Variants in CEP128 observed in about 807,000 individuals in gnomAD.
CEP128 encodes centrosomal protein 128, also known as centrosomal protein 128kDa.
CEP128 carries 132 observed loss-of-function variants against 156.7 expected under a neutral mutation model. The observed-to-expected ratio is 0.84, with a 90% CI of 0.73 to 0.97. The LOEUF is 0.97. Among genes scored for constraint, CEP128 ranks in the 50% least tolerant of loss-of-function variants. The pLI is 0.00. For missense variants in CEP128, 1,252 were observed against 1,281.9 expected (o/e 0.98, Z 0.36); for synonymous variants, 469 against 448.9 (o/e 1.04, Z -0.57).
chr14:80,890,678 C>A (rs550922081), intron 8 of CEP128, among the ~76,000 whole-genome samples: 1 of 151,692 alleles, frequency 6.6e-6, no homozygotes, highest in East Asian at 1.9e-4. Context: ...CTAATGCATG[C>A]GGGGCTTAAA....
Position 80,905,770 on chromosome 14 carries a change from A to AT in CEP128, c.361+184_361+185insA. The AT allele has an allele frequency of 1.7e-5, 9 of 522,684 alleles. No individual in the cohort carries two copies. In the South Asian group the frequency reaches 2.4e-4, roughly 14 times the overall value. The allele number at this position is 522,684 out of a possible 1,614,324, so 32.4% of individuals were successfully genotyped here. On this transcript the variant is annotated intron_variant, in intron 5 of 24. Transcript: ENST00000555265. Reference sequence around the variant, plus strand: ...CAGAGTTTGAGAAAAAAAAAAAAACAATATAACAACAAAGACCCTTCAATA... The same window carrying AT: ...CAGAGTTTGAGAAAAAAAAAAAAACATATATAACAACAAAGACCCTTCAATA...
At position 80,496,887 on chromosome 14, in the gene CEP128, T is replaced by C. The variant is rs1594910025; in HGVS notation, c.*592A>G. 6.6e-6 allele frequency: 1 copy of C among 152,338 alleles called. No homozygotes were observed. Among genetic ancestry groups the C allele is most frequent in the Admixed American group, 6.5e-5 (1 of 15,286 alleles). The allele number at this position is 152,338 out of a possible 1,614,324, so 9.4% of individuals were successfully genotyped here. A position where few individuals can be genotyped will look rare whatever the true frequency, so the allele number is the denominator to read the frequency against. On this transcript the variant is annotated 3_prime_UTR_variant, in exon 25 of 25. Transcript: ENST00000555265. ...ATGAATTCTTTATTGCTATTAAAAA[T>C]GGATGATTGGAAATAATTTTCAGCT...
intron 7 of CEP128, among the ~76,000 whole-genome samples, chr14:80,897,734 A>C (rs1889412096): frequency 6.6e-6 from 1 of 151,940 alleles, no homozygotes; most frequent in African/African-American, 2.4e-5. Context: ...GCCATCATCA[A>C]CTCTCATATA....
chr14:80,704,730 C>T (rs985294571), intron 19 of CEP128, among the ~76,000 whole-genome samples: 1 of 146,198 alleles, frequency 6.8e-6, no homozygotes, highest in Non-Finnish European at 1.5e-5. Flanking sequence ...TTAGCCTAAA[C>T]TGATTCTGTC....
chr14:80,905,839 C>G, intron 5 of CEP128, 116 bp downstream of exon 5: 1 of 919,556 alleles, frequency 1.1e-6, no homozygotes, highest in South Asian at 1.5e-5. Flanking sequence ...ACTACATGTA[C>G]TATCATCCAA....
At chr14:80,958,565 A>G (rs1886836845) in intron 1 of CEP128, among the ~76,000 whole-genome samples, 2 of 152,188 alleles carry the variant, frequency 1.3e-5, no homozygotes, top group South Asian at 4.1e-4. Flanking sequence ...TAGCAGGGAA[A>G]GGAAAGAAGA....
chr14:80,894,114 C>A (rs1889233311), intron 8 of CEP128, among the ~76,000 whole-genome samples: 1 of 151,168 alleles, frequency 6.6e-6, no homozygotes, highest in Non-Finnish European at 1.5e-5. Flanking sequence ...CTTCTTAGGT[C>A]AAAAAAGTAC....
At chr14:80,937,449 CTTCAGAAATTT>C (rs1885871616) in intron 2 of CEP128, among the ~76,000 whole-genome samples, 1 of 151,898 alleles carries the variant, frequency 6.6e-6, no homozygotes, top group Non-Finnish European at 1.5e-5. Flanking sequence ...TGTAGAAATT[CTTCAGAAATTT>C]TAATTCACTC....
rs77512217 is a variant in CEP128, at chr14:80,593,451, G to A, written c.2807-13028C>T. 7.9e-3 allele frequency among the ~76,000 whole-genome samples: 1,170 copies of A among 148,934 alleles called. 25 individuals are homozygous for A. Among genetic ancestry groups the A allele is most frequent in the African/African-American group, 0.028 (1,109 of 40,294 alleles). Reference sequence around the variant, plus strand: ...AGCTACTCGGGTGACTGAGGCAGGAGAATGGTGTGAACCCAGGAGGCGGAG... The same window carrying A: ...AGCTACTCGGGTGACTGAGGCAGGAAAATGGTGTGAACCCAGGAGGCGGAG... On this transcript the variant is annotated intron_variant, in intron 19 of 24. Transcript: ENST00000555265.
intron 21 of CEP128, among the ~76,000 whole-genome samples, chr14:80,551,342 T>C (rs1213295601): frequency 6.6e-6 from 1 of 152,250 alleles, no homozygotes. Flanking sequence ...ATAAAAATCT[T>C]GCTAACTTTA....
Position 80,647,104 on chromosome 14 carries a change from CAT to C in CEP128, c.2807-66683_2807-66682del, listed in dbSNP as rs1289551505. 8.7e-4 allele frequency among the ~76,000 whole-genome samples: 94 copies of C among 107,538 alleles called. 6 individuals are homozygous for C. The highest frequency in any genetic ancestry group is 3.0e-3 in the African/African-American group (92 of 30,648). 70.5% of individuals were successfully genotyped at this position (107,538 alleles called of 152,430 possible). A position where few individuals can be genotyped will look rare whatever the true frequency, so the allele number is the denominator to read the frequency against. ...ATATATATACACCCTTATAAATACA[CAT>C]ACACACACACACACACACATACACA... On this transcript the variant is annotated intron_variant, in intron 19 of 24. Coordinates refer to ENST00000555265, the MANE Select transcript of CEP128 (RefSeq NM_152446.5).
chr14:80,939,106 A>G (rs1886001512), intron 2 of CEP128, among the ~76,000 whole-genome samples: 1 of 152,270 alleles, frequency 6.6e-6, no homozygotes, highest in African/African-American at 2.4e-5. Flanking sequence ...GGTGTCTGAC[A>G]GAATGCCTGA....
At chr14:80,564,275 G>C (rs940551990) in intron 20 of CEP128, among the ~76,000 whole-genome samples, 1 of 152,120 alleles carries the variant, frequency 6.6e-6, no homozygotes, top group African/African-American at 2.4e-5. Flanking sequence ...ATAGATATTG[G>C]ATTACAATGG....
intron 19 of CEP128, among the ~76,000 whole-genome samples, chr14:80,657,404 C>T (rs2140881908): frequency 1.3e-5 from 2 of 152,160 alleles, no homozygotes; most frequent in South Asian, 4.1e-4. Flanking sequence ...GTAATCCCAG[C>T]CCTTTGGGAG....
chr14:80,624,727 G>C (rs73330508), intron 19 of CEP128, among the ~76,000 whole-genome samples: 5,227 of 152,136 alleles, frequency 0.034, 305 homozygotes, highest in African/African-American at 0.12. Flanking sequence ...GTCTTCTTTA[G>C]AGAAATGTCT....
intron 4 of CEP128, among the ~76,000 whole-genome samples, chr14:80,912,104 C>T (rs1299075213): frequency 1.3e-5 from 2 of 151,690 alleles, no homozygotes; most frequent in Admixed American, 6.6e-5. Flanking sequence ...GTTGTCCCAG[C>T]TATTCGGGAG....
At chr14:80,721,846 G>A (rs183931840) in intron 19 of CEP128, among the ~76,000 whole-genome samples, 2 of 152,072 alleles carry the variant, frequency 1.3e-5, no homozygotes, top group Admixed American at 1.3e-4. Flanking sequence ...AATTGTTTGA[G>A]CAAAGTGATA....
chr14:80,697,772 G>A lies in CEP128; in HGVS notation c.2806+45303C>T, dbSNP rs114793195. ...TTATCTTATTAAACCAGAAGTTTAGGAAAGATTACAAGAAAATTCACTGAA... is the reference window on the plus strand; with the variant it reads ...TTATCTTATTAAACCAGAAGTTTAGAAAAGATTACAAGAAAATTCACTGAA... On this transcript the variant is annotated intron_variant, in intron 19 of 24. Transcript: ENST00000555265. 9.7e-3 allele frequency among the ~76,000 whole-genome samples: 1,476 copies of A among 151,968 alleles called. 32 individuals carry two copies. Among genetic ancestry groups the A allele is most frequent in the African/African-American group, 0.034 (1,408 of 41,486 alleles).
intron 13 of CEP128, among the ~76,000 whole-genome samples, chr14:80,819,409 G>A (rs1885045477): frequency 6.6e-6 from 1 of 151,904 alleles, no homozygotes; most frequent in African/African-American, 2.4e-5. Context: ...ACCACGCCCG[G>A]CTAATTTTTT....
Sources: allele counts gnomAD v4.1 joint callset (sites outside exome capture counted in the v4.1 genomes callset), GRCh38; gene constraint gnomAD v4.1.1; transcripts MANE v1.5; gene names NCBI Gene and HGNC (gene_info 2026-07-23, HGNC 2026-07-21).